The following CFAP20DC variants were observed in gnomAD, a reference collection of about 807,000 sequenced individuals.
The protein encoded by CFAP20DC is protein CFAP20DC.
In CFAP20DC, 84 loss-of-function variants were observed where a neutral mutation model predicts 101.7. The observed-to-expected ratio is 0.83, with a 90% CI of 0.69 to 0.99. The LOEUF (loss-of-function observed/expected upper bound fraction) is 0.99, where lower values mean the gene tolerates loss of function less well. CFAP20DC is among the 50% of genes least tolerant of loss of function. CFAP20DC has a pLI of 0.00. For missense variants in CFAP20DC, 1,007 were observed against 970.3 expected, an observed-to-expected ratio of 1.04 and a Z score of -0.50; for synonymous variants, 359 against 351.2, an observed-to-expected ratio of 1.02 and a Z score of -0.25.
Position 59,001,822 on chromosome 3 carries a change from A to G in CFAP20DC, c.278+37735T>C, listed in dbSNP as rs2108759551. 6.6e-6 allele frequency among the ~76,000 whole-genome samples: 1 copy of G among 152,290 alleles called. No homozygotes were observed. Among genetic ancestry groups the G allele is most frequent in the East Asian group, 1.9e-4 (1 of 5,170 alleles). ...GGGGTGGCCTCAGGGAAGAAAGGGAAGTACCTGATGTTACTATAGTAATCA... is the reference window on the plus strand; with the variant it reads ...GGGGTGGCCTCAGGGAAGAAAGGGAGGTACCTGATGTTACTATAGTAATCA... On this transcript the variant is annotated intron_variant, in intron 4 of 16. Transcript: ENST00000482387. This position sits in a 1 kb window ranked among gnomAD's most constrained non-coding sequence, Gnocchi z 4.5.
At chr3:58,905,909 C>G (rs2107233875) in intron 6 of CFAP20DC, among the ~76,000 whole-genome samples, 1 of 152,302 alleles carries the variant, frequency 6.6e-6, no homozygotes, top group Non-Finnish European at 1.5e-5. Context: ...TTGTATCTTT[C>G]CTTTTTAAAT....
At position 58,922,579 on chromosome 3, in the gene CFAP20DC, CCCTT is replaced by C. The variant is rs140217752; in HGVS notation, c.394-8719_394-8716del. On this transcript the variant is annotated intron_variant, in intron 5 of 16. Coordinates refer to ENST00000482387, the MANE Select transcript of CFAP20DC (RefSeq NM_001394063.1). ...ATGCCTCCTCTTTCTTTCTCTGTCT[CCCTT>C]GTTTCAACTCTCACTATCTGTGCAC... Among the ~76,000 whole-genome samples, 28 of 152,244 alleles carry C rather than the reference CCCTT, an allele frequency of 1.8e-4. 1 individual carries two copies. In the East Asian group the frequency reaches 5.0e-3, roughly 27 times the overall value.
intron 13 of CFAP20DC, among the ~76,000 whole-genome samples, chr3:58,837,821 T>A (rs1170848223): frequency 6.6e-6 from 1 of 152,218 alleles, no homozygotes; most frequent in Non-Finnish European, 1.5e-5. Context: ...AAGTCCATTT[T>A]CCAAAGCTAA....
intron 4 of CFAP20DC, among the ~76,000 whole-genome samples, chr3:58,988,893 T>A (rs2092838224): frequency 1.3e-5 from 2 of 152,180 alleles, no homozygotes; most frequent in African/African-American, 2.4e-5. Flanking sequence ...AGACCATCAA[T>A]ACCCATGGTT....
intron 5 of CFAP20DC, among the ~76,000 whole-genome samples, chr3:58,928,569 T>A (rs1193143230): frequency 6.6e-6 from 1 of 152,210 alleles, no homozygotes; most frequent in Non-Finnish European, 1.5e-5. Context: ...ATCCAGATTC[T>A]ACGTTCTTAA....
chr3:58,751,701 A>G (rs1171786933), intron 16 of CFAP20DC, among the ~76,000 whole-genome samples: 1 of 152,152 alleles, frequency 6.6e-6, no homozygotes, highest in Non-Finnish European at 1.5e-5. Context: ...ACCCAGTTCA[A>G]AATCCACAAA....
At chr3:58,940,498 T>C (rs2088388777) in intron 4 of CFAP20DC, among the ~76,000 whole-genome samples, 1 of 152,226 alleles carries the variant, frequency 6.6e-6, no homozygotes, top group Non-Finnish European at 1.5e-5. Flanking sequence ...TGTATGTTTA[T>C]ACAATTGTCC....
chr3:59,039,725 T>C (rs954918298), intron 3 of CFAP20DC, 96 bp from the exon 4 acceptor site: 17 of 740,738 alleles, frequency 2.3e-5, no homozygotes, highest in Middle Eastern at 2.4e-4. Context: ...CTGAAGATTT[T>C]AGCATTTCAG....
Position 58,954,340 on chromosome 3 carries a change from G to A in CFAP20DC, c.279-16578C>T, listed in dbSNP as rs914846522. 2.0e-5 allele frequency among the ~76,000 whole-genome samples: 3 copies of A among 152,188 alleles called. No homozygotes were observed. The South Asian group carries it at 6.2e-4, about 31-fold the overall frequency. ...TTGCAAATGCTCACTTCAGGTTAGA[G>A]TGAACTTGTAAAACTGATCTCAGAC... On this transcript the variant is annotated intron_variant, in intron 4 of 16. Coordinates refer to ENST00000482387, the MANE Select transcript of CFAP20DC (RefSeq NM_001394063.1).
intron 15 of CFAP20DC, among the ~76,000 whole-genome samples, chr3:58,801,974 T>A (rs1215425363): frequency 6.6e-6 from 1 of 152,232 alleles, no homozygotes; most frequent in African/African-American, 2.4e-5. Context: ...TATATTTCCA[T>A]GAACATTTAG....
Position 58,807,512 on chromosome 3 carries a change from T to C in CFAP20DC, c.2176-1056A>G, listed in dbSNP as rs56160703. Among the ~76,000 whole-genome samples the C allele has an allele frequency of 3.1e-3, 473 of 152,352 alleles. 1 individual carries two copies. The highest frequency in any genetic ancestry group is 4.9e-3 in the Non-Finnish European group (332 of 68,032). Reference sequence around the variant, plus strand: ...CAGACCTGCAGCTGAGGGTCCTGTCTGTTAGAAGGAAAACTAACAAACAGA... The same window carrying C: ...CAGACCTGCAGCTGAGGGTCCTGTCCGTTAGAAGGAAAACTAACAAACAGA... On this transcript the variant is annotated intron_variant, in intron 14 of 16. Transcript: ENST00000482387.
chr3:58,769,698 A>G (rs1273366070), intron 15 of CFAP20DC, among the ~76,000 whole-genome samples: 2 of 152,174 alleles, frequency 1.3e-5, no homozygotes, highest in Non-Finnish European at 2.9e-5. Context: ...TCCCCTCCTA[A>G]AAGTGCTCCC....
chr3:58,847,226 G>T (rs2077740392), intron 13 of CFAP20DC, among the ~76,000 whole-genome samples: 2 of 129,182 alleles, frequency 1.5e-5, no homozygotes, highest in Non-Finnish European at 3.3e-5. Flanking sequence ...GAGTGAACAG[G>T]CAACCTACAA....
chr3:58,981,651 C>A (rs2092551259), intron 4 of CFAP20DC, among the ~76,000 whole-genome samples: 1 of 152,110 alleles, frequency 6.6e-6, no homozygotes, highest in Non-Finnish European at 1.5e-5. Flanking sequence ...ACTGGCTAGC[C>A]ATATGTAGAA....
intron 4 of CFAP20DC, among the ~76,000 whole-genome samples, chr3:58,991,879 A>AATTAGGT (rs1438835238): frequency 2.0e-5 from 3 of 152,144 alleles, no homozygotes; most frequent in African/African-American, 7.2e-5. Context: ...CTTAAAAGTA[A>AATTAGGT]ATTAGGTTTT....
At chr3:58,840,619 A>G (rs1312186283) in intron 13 of CFAP20DC, among the ~76,000 whole-genome samples, 1 of 152,194 alleles carries the variant, frequency 6.6e-6, no homozygotes, top group Non-Finnish European at 1.5e-5. Flanking sequence ...CCACAGAGCC[A>G]CCACCCCTGT....
At chr3:58,947,483 C>G (rs1373352920) in intron 4 of CFAP20DC, among the ~76,000 whole-genome samples, 1 of 152,180 alleles carries the variant, frequency 6.6e-6, no homozygotes, top group Non-Finnish European at 1.5e-5. Flanking sequence ...TGGTAGCTCT[C>G]CCTCAGGTAT....
At chr3:58,766,354 G>A (rs1431536731) in intron 15 of CFAP20DC, among the ~76,000 whole-genome samples, 1 of 152,180 alleles carries the variant, frequency 6.6e-6, no homozygotes. Context: ...AATGCTTGAG[G>A]TTCTTATGAA....
chr3:58,759,581 T>G (rs935611076), intron 15 of CFAP20DC, among the ~76,000 whole-genome samples: 97 of 152,316 alleles, frequency 6.4e-4, no homozygotes, highest in African/African-American at 2.3e-3. Flanking sequence ...GCCACTGATT[T>G]TGGTGTTTTA....
Sources: gnomAD v4.1 joint callset for allele counts (sites outside exome capture counted in the v4.1 genomes callset) on GRCh38, gnomAD v4.1.1 for gene constraint, Gnocchi (gnomAD v3.1) non-coding constraint, MANE v1.5 for transcripts, NCBI Gene and HGNC (gene_info 2026-07-23, HGNC 2026-07-21) for gene names.